The following STPG2 variants were observed in gnomAD, a reference collection of about 807,000 sequenced individuals.
STPG2 encodes the protein sperm-tail PG-rich repeat-containing protein 2.
A neutral mutation model predicts 54.2 loss-of-function variants in STPG2; 56 were observed. The ratio of observed to expected loss-of-function variants is 1.03; its 90% CI spans 0.83 to 1.29. The LOEUF (loss-of-function observed/expected upper bound fraction) is 1.29. Among genes scored for constraint, STPG2 ranks in the 50% most tolerant of loss-of-function variants. The pLI is 0.00. For missense variants in STPG2, 596 were observed against 544.9 expected (o/e 1.09, Z -0.93); for synonymous variants, 200 against 181.8 (o/e 1.10, Z -0.81).
intron 5 of STPG2, among the ~76,000 whole-genome samples, chr4:98,077,767 A>T (rs968872532): frequency 1.3e-5 from 2 of 152,222 alleles, no homozygotes; most frequent in African/African-American, 4.8e-5. Flanking sequence ...CATAGAAGTT[A>T]AAAAGCAAAG....
At chr4:97,737,305 T>C (rs1360293854) in intron 9 of STPG2, among the ~76,000 whole-genome samples, 1 of 152,148 alleles carries the variant, frequency 6.6e-6, no homozygotes, top group Non-Finnish European at 1.5e-5. Context: ...GCAGAGTGCC[T>C]ATCCTCCTCC....
intron 10 of STPG2, among the ~76,000 whole-genome samples, chr4:97,708,370 A>G (rs1000044967): frequency 6.6e-6 from 1 of 152,066 alleles, no homozygotes; most frequent in Non-Finnish European, 1.5e-5. Context: ...AAAATTACAG[A>G]TATGTATTAA....
At chr4:97,622,901 A>C (rs1222057715) in intron 10 of STPG2, among the ~76,000 whole-genome samples, 1 of 152,128 alleles carries the variant, frequency 6.6e-6, no homozygotes, top group Non-Finnish European at 1.5e-5. Flanking sequence ...AAACAGCACA[A>C]TACTGGTACA....
At chr4:97,973,239 C>A (rs972540108) in intron 6 of STPG2, among the ~76,000 whole-genome samples, 1 of 152,166 alleles carries the variant, frequency 6.6e-6, no homozygotes, top group African/African-American at 2.4e-5. Flanking sequence ...TTGTTGGGAA[C>A]TGGAGCAAAG....
At chr4:97,579,112 C>T (rs184615112) in intron 10 of STPG2, among the ~76,000 whole-genome samples, 1 of 152,128 alleles carries the variant, frequency 6.6e-6, no homozygotes, top group African/African-American at 2.4e-5. Flanking sequence ...AGACAAAACA[C>T]CTACTTCTGC....
At chr4:97,694,528 G>T (rs1310529187) in intron 10 of STPG2, among the ~76,000 whole-genome samples, 3 of 152,110 alleles carry the variant, frequency 2.0e-5, no homozygotes, top group East Asian at 3.9e-4. Context: ...TTACCAACAG[G>T]CCAGGTGCAG....
In STPG2 at chr4:98,036,626, G is replaced by A. The variant is rs1055182016; in HGVS notation, c.613-55308C>T. Among the ~76,000 whole-genome samples, 22 of 151,966 alleles carry A rather than the reference G, an allele frequency of 1.4e-4. 1 individual carries two copies. Among genetic ancestry groups the A allele is most frequent in the African/African-American group, 4.8e-4 (20 of 41,466 alleles). On this transcript the variant is annotated intron_variant, in intron 5 of 10. Transcript: ENST00000295268. ...AATGATGAGAACACATGGACACCGA[G>A]AGGAACAACACATACTGAGGTCTTT...
intron 9 of STPG2, among the ~76,000 whole-genome samples, chr4:97,747,408 A>G (rs1484933071): frequency 6.6e-6 from 1 of 151,288 alleles, no homozygotes; most frequent in East Asian, 1.9e-4. Flanking sequence ...CAACGACTAC[A>G]CTCATTTTTT....
intron 9 of STPG2, among the ~76,000 whole-genome samples, chr4:97,799,704 T>C (rs977571222): frequency 1.3e-5 from 2 of 152,190 alleles, no homozygotes; most frequent in Non-Finnish European, 2.9e-5. Context: ...GCATTCTCTG[T>C]ATTTCCTGAA....
At chr4:97,742,519 C>CTGTG (rs150619013) in intron 9 of STPG2, among the ~76,000 whole-genome samples, 2,257 of 125,056 alleles carry the variant, frequency 0.018, 38 homozygotes, top group Non-Finnish European at 0.025. Flanking sequence ...AATGAATAAA[C>CTGTG]TGTGTGTGTG....
At chr4:98,003,408 T>A (rs1157343821) in intron 5 of STPG2, among the ~76,000 whole-genome samples, 5 of 151,808 alleles carry the variant, frequency 3.3e-5, no homozygotes, top group Non-Finnish European at 7.4e-5. Context: ...TTTTTTTTTC[T>A]CCAAAGACGA....
In STPG2 at chr4:97,569,638, G is replaced by C. The variant is rs531285841; in HGVS notation, c.1321-10521C>G. On this transcript the variant is annotated intron_variant, in intron 10 of 10. Coordinates refer to ENST00000295268, the MANE Select transcript of STPG2 (RefSeq NM_174952.3). The stretch of plus-strand genomic sequence containing the variant: ...GATTAACAAGTAAAGTAGAAGGGAG[G>C]GCTCTTCTTTATAGTAAATAGCTAA... Among the ~76,000 whole-genome samples the C allele has an allele frequency of 2.0e-5, 3 of 151,970 alleles. No individual in the cohort carries two copies. In the South Asian group the frequency reaches 6.2e-4, roughly 32 times the overall value.
At chr4:98,060,975 A>T (rs1361504037) in intron 5 of STPG2, among the ~76,000 whole-genome samples, 1 of 152,172 alleles carries the variant, frequency 6.6e-6, no homozygotes, top group Non-Finnish European at 1.5e-5. Context: ...CTGGAAGACA[A>T]CCTAGACAAT....
At chr4:97,633,443 A>C (rs978936185) in intron 10 of STPG2, 47 of 152,180 alleles carry the variant, frequency 3.1e-4, no homozygotes, top group African/African-American at 1.0e-3. Context: ...TTATAAATGA[A>C]ACATAAAAAG....
chr4:97,449,885 A>G (rs545684428), intron 4 of STPG2, among the ~76,000 whole-genome samples: 2 of 152,306 alleles, frequency 1.3e-5, no homozygotes, highest in South Asian at 4.1e-4. Context: ...TTTTGCATAG[A>G]TGTCTTCTTT....
intron 4 of STPG2, among the ~76,000 whole-genome samples, chr4:97,503,151 A>G (rs919238715): frequency 1.3e-5 from 2 of 151,946 alleles, no homozygotes; most frequent in Non-Finnish European, 2.9e-5. Flanking sequence ...GATCCCTGAA[A>G]TAGTGTGTTA....
chr4:97,813,403 TA>T (rs1030864398), intron 9 of STPG2, among the ~76,000 whole-genome samples: 9 of 152,060 alleles, frequency 5.9e-5, no homozygotes, highest in African/African-American at 2.2e-4. Flanking sequence ...AAAAAGAAAG[TA>T]ACATTTATTG....
intron 9 of STPG2, among the ~76,000 whole-genome samples, chr4:97,743,434 A>G (rs1030984362): frequency 2.0e-5 from 3 of 151,742 alleles, no homozygotes; most frequent in Non-Finnish European, 4.4e-5. Flanking sequence ...AACCAAAGAC[A>G]TCTGAATTTT....
chr4:97,972,505 G>A (rs564542747), intron 6 of STPG2, 65 bp from the exon 7 acceptor site: 109 of 966,360 alleles, frequency 1.1e-4, no homozygotes, highest in Non-Finnish European at 1.5e-4. Flanking sequence ...TTTGAACTGA[G>A]TAATTTTTAA....
Sources: allele counts gnomAD v4.1 joint callset (sites outside exome capture counted in the v4.1 genomes callset), GRCh38; gene constraint gnomAD v4.1.1; transcripts MANE v1.5; gene names NCBI Gene and HGNC (gene_info 2026-07-23, HGNC 2026-07-21).